The following ZNF282 variants were observed in gnomAD, a reference collection of about 807,000 sequenced individuals.
ZNF282 encodes zinc finger protein 282, also known as HTLV-I U5 repressive element-binding protein 1.
ZNF282 carries 30 observed loss-of-function variants against 61.9 expected under a neutral mutation model. The ratio of observed to expected loss-of-function variants is 0.48; its 90% CI spans 0.36 to 0.66. The LOEUF is 0.66. Ranked by LOEUF, ZNF282 falls within the 30% of genes least tolerant of loss-of-function variation. ZNF282 has a pLI of 0.00. For missense variants in ZNF282, 788 were observed against 941.4 expected, an observed-to-expected ratio of 0.84 and a Z score of 2.13; for synonymous variants, 396 against 405.0, an observed-to-expected ratio of 0.98 and a Z score of 0.27.
rs137910521 is a variant in ZNF282 at position 149,214,616 on chromosome 7, G to C, written c.1180+802G>C. 2.9e-3 allele frequency among the ~76,000 whole-genome samples: 439 copies of C among 152,272 alleles called. 4 individuals carry two copies. The highest frequency in any genetic ancestry group is 9.9e-3 in the African/African-American group (410 of 41,548). Reference sequence around the variant, plus strand: ...AGGCTGAGGTGGAAGGATCTCTTGAGCTCAGGAGTTTGAAACTAGCCTGGG... The same window carrying C: ...AGGCTGAGGTGGAAGGATCTCTTGACCTCAGGAGTTTGAAACTAGCCTGGG... On this transcript the variant is annotated intron_variant, in intron 7 of 7. Transcript: ENST00000610704.
chr7:149,222,803 A>G (rs906958221), intron 7 of ZNF282, among the ~76,000 whole-genome samples: 1 of 151,608 alleles, frequency 6.6e-6, no homozygotes, highest in African/African-American at 2.4e-5. Context: ...GCGTGCCACC[A>G]TGCCCAGCTA....
At chr7:149,201,502 C>T (rs1250902355) in intron 2 of ZNF282, among the ~76,000 whole-genome samples, 2 of 152,164 alleles carry the variant, frequency 1.3e-5, no homozygotes, top group Admixed American at 6.5e-5. Context: ...CCCATAATCC[C>T]AGCACTTTGG....
At chr7:149,208,803 G>A (rs571723776) in intron 4 of ZNF282, among the ~76,000 whole-genome samples, 1 of 150,772 alleles carries the variant, frequency 6.6e-6, no homozygotes, top group South Asian at 2.1e-4. Context: ...CGGATTAGCT[G>A]AGGTCAGGAG....
rs1246275048 is a variant in ZNF282 at position 149,198,090 on chromosome 7, G to C, written c.166-243G>C. On this transcript the variant is annotated intron_variant, in intron 1 of 7. Coordinates refer to ENST00000610704, the MANE Select transcript of ZNF282 (RefSeq NM_003575.4). This position sits in a 1 kb window ranked among gnomAD's most constrained non-coding sequence, Gnocchi z 4.3. Reference sequence around the variant, plus strand: ...GGGGTTGCAGCCTTAACTTGCTAAGGGTCAATGTGGGTGAACCAGTGACCA... The same window carrying C: ...GGGGTTGCAGCCTTAACTTGCTAAGCGTCAATGTGGGTGAACCAGTGACCA... 1.3e-5 allele frequency among the ~76,000 whole-genome samples: 2 copies of C among 152,150 alleles called. No homozygotes were observed. Among genetic ancestry groups the C allele is most frequent in the Non-Finnish European group, 2.9e-5 (2 of 68,024 alleles).
At chr7:149,209,640 GACCGGA>G (rs1208526351) in intron 4 of ZNF282, among the ~76,000 whole-genome samples, 10 of 152,326 alleles carry the variant, frequency 6.6e-5, no homozygotes, top group African/African-American at 2.4e-4. Flanking sequence ...GAAAAGGGTA[GACCGGA>G]ACCCAGAGAG....
At chr7:149,195,836 C>T in intron 1 of ZNF282, 82 bp downstream of exon 1, 1 of 1,182,710 alleles carries the variant, frequency 8.5e-7, no homozygotes. Context: ...GCCGCGCCGT[C>T]CTCCGGTAGC....
At chr7:149,208,448 C>G (rs1485482092) in intron 4 of ZNF282, among the ~76,000 whole-genome samples, 3 of 151,928 alleles carry the variant, frequency 2.0e-5, no homozygotes, top group African/African-American at 7.2e-5. Flanking sequence ...AGTGATCCAC[C>G]CGCCTCGGCC....
chr7:149,206,891 C>T (rs1266822373), intron 3 of ZNF282, 69 bp downstream of exon 3: 7 of 1,586,034 alleles, frequency 4.4e-6, no homozygotes, highest in East Asian at 4.5e-5. Flanking sequence ...TATTTGTCCA[C>T]GTTAGCACCG....
chr7:149,221,799 A>C (rs967141894), intron 7 of ZNF282, among the ~76,000 whole-genome samples: 9 of 152,020 alleles, frequency 5.9e-5, no homozygotes, highest in African/African-American at 2.2e-4. Context: ...ATAAGGACAG[A>C]CCTCAGTCAA....
At chr7:149,222,216 G>T (rs982740963) in intron 7 of ZNF282, among the ~76,000 whole-genome samples, 3 of 152,216 alleles carry the variant, frequency 2.0e-5, no homozygotes, top group African/African-American at 4.8e-5. Context: ...GCATTTCCTG[G>T]GGTGGTAGGT....
rs1795860340 is a variant in ZNF282 at position 149,198,626 on chromosome 7, G to T, written c.459G>T (p.Val153=). Residue 153 remains valine, a synonymous_variant, in exon 2 of 8, where the codon GTG becomes GTT. Coordinates refer to ENST00000610704, the MANE Select transcript of ZNF282 (RefSeq NM_003575.4). This position sits in a 1 kb window ranked among gnomAD's most constrained non-coding sequence, Gnocchi z 4.3. ...ACCACATGGAGAGCAAGTGGGCCGT[G>T]CTGGGGACCCTGCTGCAGGAGTACG... ...FGNHMESKWA[V]LGTLLQEYGL... is the part of the protein sequence containing the mutation. 1 of 1,614,194 alleles carries T rather than the reference G, an allele frequency of 6.2e-7. No homozygotes were observed. Among genetic ancestry groups the T allele is most frequent in the Non-Finnish European group, 8.5e-7 (1 of 1,180,034 alleles).
At chr7:149,212,604 G>A (rs1258289548) in intron 6 of ZNF282, 133 bp downstream of exon 6, 42 of 691,134 alleles carry the variant, frequency 6.1e-5, no homozygotes, top group South Asian at 2.9e-4. Context: ...TCTTTGAGAC[G>A]GAGTCTTGCT....
intron 7 of ZNF282, among the ~76,000 whole-genome samples, chr7:149,220,096 C>A (rs1156714718): frequency 6.6e-6 from 1 of 152,028 alleles, no homozygotes; most frequent in East Asian, 1.9e-4. Context: ...TACTTTAGAA[C>A]CCTGATTCAA....
rs1796344511 is a variant in ZNF282 at position 149,225,017 on chromosome 7, G to C, written c.*370G>C. 7.3e-6 allele frequency: 2 copies of C among 273,112 alleles called. No homozygotes were observed. Among genetic ancestry groups the C allele is most frequent in the Admixed American group, 9.6e-5 (2 of 20,836 alleles). The allele number at this position is 273,112 out of a possible 1,614,324, so 16.9% of individuals were successfully genotyped here. ...TCAGGAAATCAGGTCCCAAGGTTAG[G>C]AGACGCCCTGAAAAAAAGCGAAGGC... On this transcript the variant is annotated 3_prime_UTR_variant, in exon 8 of 8. Transcript: ENST00000610704.
chr7:149,199,682 T>C (rs1795879150), intron 2 of ZNF282, among the ~76,000 whole-genome samples: 1 of 152,112 alleles, frequency 6.6e-6, no homozygotes, highest in Non-Finnish European at 1.5e-5. Context: ...CTCTTTATTA[T>C]AGAATATTCA....
Position 149,224,593 on chromosome 7 carries a change from C to T in ZNF282, c.1962C>T (p.Gly654=), listed in dbSNP as rs972880986. ...SLKDHLRVHS[G]GPGPGAPRQL... ...AGGACCACCTGCGCGTGCACAGCGG[C>T]GGCCCGGGCCCCGGCGCCCCACGGC... The change falls in exon 8 of 8, where the codon GGC becomes GGT. Residue 654 remains glycine, a synonymous_variant. Transcript: ENST00000610704. 5 of 1,574,226 alleles carry T rather than the reference C, an allele frequency of 3.2e-6. No homozygotes were observed. Among genetic ancestry groups the T allele is most frequent in the Admixed American group, 1.8e-5 (1 of 54,746 alleles).
intron 2 of ZNF282, among the ~76,000 whole-genome samples, chr7:149,199,941 A>C (rs1795883617): frequency 6.6e-6 from 1 of 152,144 alleles, no homozygotes; most frequent in Non-Finnish European, 1.5e-5. Context: ...CCATAGTAAA[A>C]GCTTCAGCCT....
intron 4 of ZNF282, among the ~76,000 whole-genome samples, chr7:149,207,823 A>T (rs1249980276): frequency 6.6e-6 from 1 of 152,220 alleles, no homozygotes; most frequent in Non-Finnish European, 1.5e-5. Context: ...TCTGCGGCGC[A>T]TGTGGGGTTT....
Position 149,224,068 on chromosome 7 carries a change from G to A in ZNF282, c.1437G>A (p.Gly479=). ...GCACCGGGGGCGGCGGGGGCGATGG[G>A]GGCGGTGGGGGCGGCGGCGCGGAGG... ...DRSTGGGGGD[G]GGGGGGAEAG... Residue 479 remains glycine (G), a synonymous_variant, in exon 8 of 8, where the codon GGG becomes GGA. Coordinates refer to ENST00000610704, the MANE Select transcript of ZNF282 (RefSeq NM_003575.4). 2 of 1,195,578 alleles carry A rather than the reference G, an allele frequency of 1.7e-6. No individual in the cohort carries two copies. Among genetic ancestry groups the A allele is most frequent in the Non-Finnish European group, 2.1e-6 (2 of 965,556 alleles). 74.1% of individuals were successfully genotyped at this position (1,195,578 alleles called of 1,614,324 possible).
Sources: allele counts gnomAD v4.1 joint callset (sites outside exome capture counted in the v4.1 genomes callset), GRCh38; gene constraint gnomAD v4.1.1; non-coding constraint Gnocchi (gnomAD v3.1); transcripts MANE v1.5; gene names NCBI Gene and HGNC (gene_info 2026-07-23, HGNC 2026-07-21).